Variants in MICALL1 observed in about 807,000 individuals in gnomAD.
The protein encoded by MICALL1 is MICAL-like protein 1.
In MICALL1, 61 loss-of-function variants were observed where a neutral mutation model predicts 83.7. The ratio of observed to expected loss-of-function variants is 0.73; its 90% CI spans 0.59 to 0.90. The LOEUF is 0.90. Ranked by LOEUF, MICALL1 falls within the 40% of genes least tolerant of loss-of-function variation. The pLI is 0.00. For synonymous variants in MICALL1, 481 were observed against 473.6 expected, an observed-to-expected ratio of 1.02 and a Z score of -0.20; for missense variants, 1,066 against 1,152.0, an observed-to-expected ratio of 0.93 and a Z score of 1.08.
chr22:37,933,165 C>T (rs368646296), intron 13 of MICALL1, 53 bp downstream of exon 13: 181 of 1,573,562 alleles, frequency 1.2e-4, no homozygotes, highest in Middle Eastern at 1.7e-4. Context: ...CCTGGTGACA[C>T]GGAGGAGTGG....
chr22:37,911,436 G>C (rs1460221815), intron 1 of MICALL1, among the ~76,000 whole-genome samples: 1 of 152,214 alleles, frequency 6.6e-6, no homozygotes, highest in Non-Finnish European at 1.5e-5. Flanking sequence ...CCAGACATGT[G>C]GATTCCCAGG....
At position 37,930,112 on chromosome 22, in the gene MICALL1, C is replaced by T. The variant is rs559616581; in HGVS notation, c.1882-1687C>T. ...GGGTCACCTTCGGATTCTCGTGTTT[C>T]GTGTCCTGGGCTGCGTGAATATTGG... On this transcript the variant is annotated intron_variant, in intron 9 of 15. Transcript: ENST00000215957. The surrounding 1 kb of genome is among the most constrained non-coding windows in gnomAD (Gnocchi z 4.8). Among the ~76,000 whole-genome samples the T allele has an allele frequency of 1.3e-3, 205 of 152,328 alleles. No homozygotes were observed. The highest frequency in any genetic ancestry group is 4.3e-3 in the African/African-American group (179 of 41,582).
chr22:37,926,093 G>T (rs757209246), intron 8 of MICALL1, 50 bp downstream of exon 8: 4 of 1,522,992 alleles, frequency 2.6e-6, no homozygotes, highest in East Asian at 2.3e-5. Context: ...CGGGGGTGGG[G>T]CCCGGGCCTG....
At position 37,927,434 on chromosome 22, in the gene MICALL1, C is replaced by A; in HGVS notation, c.1489C>A (p.His497Asn). The A allele has an allele frequency of 6.3e-7, 1 of 1,591,756 alleles. No homozygotes were observed. The highest frequency in any genetic ancestry group is 8.6e-7 in the Non-Finnish European group (1 of 1,167,236). The change falls in exon 9 of 16, where the codon CAC becomes AAC. Residue 497 changes from histidine (H) to asparagine (N), a missense_variant. Physicochemically the swap from His to Asn is moderately conservative, Grantham distance 68. Coordinates refer to ENST00000215957, the MANE Select transcript of MICALL1 (RefSeq NM_033386.4). ...AGCTCTCCACGCCTCCCGCCTCTCG[C>A]ACTCGGAGCCGCCCTCGGCCACACC... ...PLALHASRLSHSEPPSATPSP... is the reference protein window; with the variant it reads ...PLALHASRLSNSEPPSATPSP...
intron 9 of MICALL1, among the ~76,000 whole-genome samples, chr22:37,931,403 A>T (rs561448738): frequency 6.6e-6 from 1 of 152,170 alleles, no homozygotes; most frequent in East Asian, 1.9e-4. Flanking sequence ...AAATACAAAA[A>T]ATTAGCCAGG....
In MICALL1 at chr22:37,927,505, C is replaced by A. The variant is rs756706257; in HGVS notation, c.1560C>A (p.Ser520Arg). 6.2e-7 allele frequency: 1 copy of A among 1,612,806 alleles called. No homozygotes were observed. The highest frequency in any genetic ancestry group is 8.5e-7 in the Non-Finnish European group (1 of 1,178,932). ...AGAGCCTGTCGTCTGAGAGCGCCAG[C>A]CAGACTGCAGGTGCAGAGCTTCTGG... ...SVESLSSESA[S>R]QTAGAELLEP... is the part of the protein sequence containing the mutation. Residue 520 changes from serine (S) to arginine (R), a missense_variant, in exon 9 of 16, where the codon AGC (serine) becomes AGA (arginine). Ser to Arg is a moderately radical substitution (Grantham distance 110). Transcript: ENST00000215957.
chr22:37,934,330 A>T (rs955146171), intron 13 of MICALL1, among the ~76,000 whole-genome samples: 1 of 152,122 alleles, frequency 6.6e-6, no homozygotes, highest in African/African-American at 2.4e-5. Flanking sequence ...ACTGTGTGAC[A>T]CTGGTCAAAG....
rs1166477986 is a variant in MICALL1 at position 37,931,866 on chromosome 22, C to A, written c.1949C>A (p.Ala650Asp). Residue 650 changes from alanine to aspartate, a missense_variant, in exon 10 of 16, where the codon GCC becomes GAC. Ala to Asp is a moderately radical substitution (Grantham distance 126, BLOSUM62 -2). Transcript: ENST00000215957. The stretch of plus-strand genomic sequence containing the variant: ...GCAGCGTCCCCAGCCACAAAGAAGG[C>A]CACCAAGGGATCCAAGCCAGTGAGG... ...SPAASPATKK[A>D]TKGSKPVRPP... 4.3e-6 allele frequency: 7 copies of A among 1,614,048 alleles called. No individual in the cohort carries two copies.
At chr22:37,938,865 G>A (rs189600040) in intron 15 of MICALL1, among the ~76,000 whole-genome samples, 442 of 152,048 alleles carry the variant, frequency 2.9e-3, no homozygotes, top group Non-Finnish European at 5.0e-3. Flanking sequence ...CGCTCGCCTC[G>A]GCCTCCCAAA....
At chr22:37,928,067 C>T (rs566061035) in intron 9 of MICALL1, among the ~76,000 whole-genome samples, 19 of 152,168 alleles carry the variant, frequency 1.2e-4, no homozygotes, top group Non-Finnish European at 1.8e-4. Context: ...CCACCACGCC[C>T]GGCTAATTTT....
Position 37,925,973 on chromosome 22 carries a change from C to T in MICALL1, c.1395C>T (p.Gly465=). 11 of 1,613,942 alleles carry T rather than the reference C, an allele frequency of 6.8e-6. No homozygotes were observed. Among genetic ancestry groups the T allele is most frequent in the Non-Finnish European group, 8.5e-6 (10 of 1,179,984 alleles). ...CCAAGTCCCTGCACCCCTGGTACGGCATCACCCCTACCAGCAGCCCCAAGA... is the reference window on the plus strand; with the variant it reads ...CCAAGTCCCTGCACCCCTGGTACGGTATCACCCCTACCAGCAGCCCCAAGA... ...STPKSLHPWY[G]ITPTSSPKTK... is the part of the protein sequence containing the mutation. Residue 465 remains glycine, a synonymous_variant, in exon 8 of 16, where the codon GGC becomes GGT. Coordinates refer to ENST00000215957, the MANE Select transcript of MICALL1 (RefSeq NM_033386.4).
In MICALL1 at chr22:37,926,008, G is replaced by A; in HGVS notation, c.1430G>A (p.Arg477His). The A allele has an allele frequency of 6.2e-7, 1 of 1,612,594 alleles. No individual in the cohort carries two copies. Among genetic ancestry groups the A allele is most frequent in the South Asian group, 1.1e-5 (1 of 91,002 alleles). Residue 477 changes from arginine to histidine, a missense_variant, in exon 8 of 16, where the codon CGC becomes CAC. Coordinates refer to ENST00000215957, the MANE Select transcript of MICALL1 (RefSeq NM_033386.4). ...ACCAGCAGCCCCAAGACAAAGAAGCGCCCTGCCCCGCGCGCACCCAGCGCG... is the reference window on the plus strand; with the variant it reads ...ACCAGCAGCCCCAAGACAAAGAAGCACCCTGCCCCGCGCGCACCCAGCGCG... ...TPTSSPKTKK[R>H]PAPRAPSASP...
chr22:37,937,836 C>T (rs768478958), intron 15 of MICALL1, 44 bp downstream of exon 15: 24 of 1,610,890 alleles, frequency 1.5e-5, no homozygotes, highest in Admixed American at 8.4e-5. Context: ...ACTTGAACTT[C>T]GGCATTGGGG....
At chr22:37,911,889 C>T (rs1288839049) in intron 1 of MICALL1, 63 bp from the exon 2 acceptor site, 2 of 1,534,652 alleles carry the variant, frequency 1.3e-6, no homozygotes, top group Non-Finnish European at 1.8e-6. Context: ...CTGACTCTGA[C>T]CCCGCCCCTA....
chr22:37,910,960 T>C (rs924068650), intron 1 of MICALL1, among the ~76,000 whole-genome samples: 3 of 152,138 alleles, frequency 2.0e-5, no homozygotes, highest in Non-Finnish European at 2.9e-5. Flanking sequence ...TGCCCACCCA[T>C]CTCCGGCAGT....
At position 37,924,113 on chromosome 22, in the gene MICALL1, C is replaced by T. The variant is rs143214791; in HGVS notation, c.1025-547C>T. Among the ~76,000 whole-genome samples the T allele has an allele frequency of 4.6e-5, 7 of 152,298 alleles. No individual in the cohort carries two copies. The highest frequency in any genetic ancestry group is 2.1e-4 in the South Asian group (1 of 4,818). ...GAGAGAGACTCCCAGGGTCACCCTGCGACTTGCACCAGAACATTCTATTTG... is the reference window on the plus strand; with the variant it reads ...GAGAGAGACTCCCAGGGTCACCCTGTGACTTGCACCAGAACATTCTATTTG... On this transcript the variant is annotated intron_variant, in intron 6 of 15. Coordinates refer to ENST00000215957, the MANE Select transcript of MICALL1 (RefSeq NM_033386.4). This position sits in a 1 kb window ranked among gnomAD's most constrained non-coding sequence, Gnocchi z 5.2.
chr22:37,922,796 G>GTTTTTTTTTTTTTTTTTTTTT (rs574266914), intron 6 of MICALL1, among the ~76,000 whole-genome samples: 1 of 69,200 alleles, frequency 1.4e-5, no homozygotes, highest in African/African-American at 5.8e-5. Flanking sequence ...GTTTTTTTTT[G>GTTTTTTTTTTTTTTTTTTTTT]TTTTTTTTTT....
rs1468437050 is a variant in MICALL1, at chr22:37,927,197, C to T, written c.1466-214C>T. 16 of 549,128 alleles carry T rather than the reference C, an allele frequency of 2.9e-5. No individual in the cohort carries two copies. In the South Asian group the frequency reaches 4.9e-4, roughly 17 times the overall value. The allele number at this position is 549,128 out of a possible 1,614,324, so 34.0% of individuals were successfully genotyped here. On this transcript the variant is annotated intron_variant, in intron 8 of 15. Transcript: ENST00000215957. Reference sequence around the variant, plus strand: ...GGAAGTGGAGGCAGCAGGCAGAACGCAAGGCGGGCGGGTTGGACTCGGGTG... The same window carrying T: ...GGAAGTGGAGGCAGCAGGCAGAACGTAAGGCGGGCGGGTTGGACTCGGGTG...
At chr22:37,938,262 C>T (rs370627284) in intron 15 of MICALL1, among the ~76,000 whole-genome samples, 36 of 151,952 alleles carry the variant, frequency 2.4e-4, no homozygotes, top group East Asian at 9.9e-4. Context: ...ATTAGTCAGG[C>T]GTGGTGGCGA....
Sources: gnomAD v4.1 joint callset for allele counts (sites outside exome capture counted in the v4.1 genomes callset) on GRCh38, gnomAD v4.1.1 for gene constraint, Gnocchi (gnomAD v3.1) non-coding constraint, MANE v1.5 for transcripts, NCBI Gene and HGNC (gene_info 2026-07-23, HGNC 2026-07-21) for gene names.